The following KRABD4 variants were observed in gnomAD, a reference collection of about 807,000 sequenced individuals.
KRABD4 encodes the protein KRAB domain containing 4.
the KRABD4 span, among the ~76,000 whole-genome samples, chrX:46,470,268 A>G: frequency 2.2e-4 from 24 of 111,529 alleles, no homozygotes; most frequent in African/African-American, 7.8e-4. Flanking sequence ...GGATATTGAC[A>G]TTGAGAAAGT....
the KRABD4 span, among the ~76,000 whole-genome samples, chrX:46,467,903 T>C: frequency 2.7e-5 from 3 of 112,185 alleles, no homozygotes; most frequent in Middle Eastern, 0.014. Flanking sequence ...CAGTATCTTT[T>C]GAAAAACAAA....
At chrX:46,460,505 G>A in the KRABD4 span, among the ~76,000 whole-genome samples, 1 of 109,342 alleles carries the variant, frequency 9.1e-6, no homozygotes, top group Non-Finnish European at 1.9e-5. Flanking sequence ...TAGGGCAAGG[G>A]ATGTGGGAAG....
the KRABD4 span, among the ~76,000 whole-genome samples, chrX:46,451,210 C>T: frequency 3.6e-5 from 4 of 112,290 alleles, no homozygotes; most frequent in African/African-American, 1.3e-4. Flanking sequence ...TCTATTCCTT[C>T]TCCCCCAAGT....
At chrX:46,457,445 A>G in the KRABD4 span, among the ~76,000 whole-genome samples, 2 of 111,315 alleles carry the variant, frequency 1.8e-5, no homozygotes, top group Non-Finnish European at 3.8e-5. Flanking sequence ...TGTGGTGGAC[A>G]TATAGTCAAA....
At chrX:46,448,894 C>G in the KRABD4 span, among the ~76,000 whole-genome samples, 1 of 112,532 alleles carries the variant, frequency 8.9e-6, no homozygotes, top group Non-Finnish European at 1.9e-5. Context: ...GTCCCTTCAT[C>G]CTGACCAAAG....
At chrX:46,448,853 C>T in the KRABD4 span, among the ~76,000 whole-genome samples, 1 of 46,114 alleles carries the variant, frequency 2.2e-5, no homozygotes, top group South Asian at 9.4e-4. Flanking sequence ...CACCATCAAT[C>T]AGGCACCTGC....
At chrX:46,473,867 G>T in the KRABD4 span, 1 of 126,570 alleles carries the variant, frequency 7.9e-6, no homozygotes, top group Non-Finnish European at 1.6e-5. Flanking sequence ...TGGCCAGCCT[G>T]GTCTTGAACT....
At chrX:46,463,277 G>A in the KRABD4 span, 70 of 1,210,472 alleles carry the variant, frequency 5.8e-5, no homozygotes, top group East Asian at 2.1e-4. Flanking sequence ...GGGGGACCCC[G>A]GTACGGACCT....
At chrX:46,468,422 G>A in the KRABD4 span, among the ~76,000 whole-genome samples, 1 of 109,749 alleles carries the variant, frequency 9.1e-6, no homozygotes, top group African/African-American at 3.3e-5. Flanking sequence ...TAGCTACTTG[G>A]GAGGCTGAGG....
At chrX:46,462,873 G>A in the KRABD4 span, 1 of 1,211,813 alleles carries the variant, frequency 8.3e-7, no homozygotes, top group Non-Finnish European at 1.1e-6. Context: ...TGGTGTCCGT[G>A]GGTGAGGGAC....
At chrX:46,452,903 C>T in the KRABD4 span, among the ~76,000 whole-genome samples, 1 of 111,807 alleles carries the variant, frequency 8.9e-6, no homozygotes, top group Non-Finnish European at 1.9e-5. Context: ...AGAAAAGAGT[C>T]GTGCATTTTA....
At chrX:46,472,040 A>T in the KRABD4 span, 2 of 111,515 alleles carry the variant, frequency 1.8e-5, no homozygotes, top group Non-Finnish European at 3.8e-5. Flanking sequence ...GTTATTTTCC[A>T]TGGAAATTCT....
At chrX:46,468,442 C>T in the KRABD4 span, among the ~76,000 whole-genome samples, 4 of 109,922 alleles carry the variant, frequency 3.6e-5, no homozygotes, top group Admixed American at 2.0e-4. Flanking sequence ...GCACAAGAAT[C>T]GCTTGAACCC....
chrX:46,457,768 G>A, the KRABD4 span, among the ~76,000 whole-genome samples: 1 of 107,181 alleles, frequency 9.3e-6, no homozygotes, highest in Non-Finnish European at 1.9e-5. Flanking sequence ...TTTTTGAGAT[G>A]GAGTTTCGCT....
chrX:46,464,007 C>A, the KRABD4 span, among the ~76,000 whole-genome samples: 1 of 107,559 alleles, frequency 9.3e-6, no homozygotes, highest in Non-Finnish European at 1.9e-5. Context: ...TTTTTCAATA[C>A]GTCCTTCCTA....
the KRABD4 span, chrX:46,462,536 T>C: frequency 0.056 from 29,182 of 523,649 alleles, 3,209 homozygotes; most frequent in African/African-American, 0.42. Flanking sequence ...AGAAAGGCCA[T>C]TGTGGGTGTG....
the KRABD4 span, chrX:46,448,708 G>A: frequency 1.8e-5 from 2 of 113,088 alleles, no homozygotes; most frequent in African/African-American, 6.4e-5. Context: ...CTGCTGTAGT[G>A]CCTGTAAAGG....
chrX:46,450,604 C>T, the KRABD4 span: 2 of 548,807 alleles, frequency 3.6e-6, no homozygotes, highest in Non-Finnish European at 5.9e-6. Context: ...TTGTTCTCAA[C>T]CTCTGGTTTC....
At chrX:46,448,189 T>A in the KRABD4 span, 4 of 112,035 alleles carry the variant, frequency 3.6e-5, no homozygotes, top group South Asian at 1.5e-3. Flanking sequence ...CTGTGGTCAT[T>A]GTGTTTCCAG....
Sources: gnomAD v4.1 joint callset for allele counts (sites outside exome capture counted in the v4.1 genomes callset) on GRCh38, gnomAD v4.1.1 for gene constraint, MANE v1.5 for transcripts, NCBI Gene and HGNC (gene_info 2026-07-23, HGNC 2026-07-21) for gene names.